The following ZCWPW2 variants were observed in gnomAD, a reference collection of about 807,000 sequenced individuals.
ZCWPW2 encodes the protein zinc finger CW-type PWWP domain protein 2.
ZCWPW2 carries 45 observed loss-of-function variants against 46.6 expected under a neutral mutation model. That is an observed-to-expected ratio of 0.96 (90% CI 0.76 to 1.24). The LOEUF (loss-of-function observed/expected upper bound fraction) is 1.24. Ranked by LOEUF, ZCWPW2 falls within the 50% of genes most tolerant of loss-of-function variation. The pLI is 0.00. For synonymous variants in ZCWPW2, 152 were observed against 137.1 expected (o/e 1.11, Z -0.76); for missense variants, 429 against 403.9 (o/e 1.06, Z -0.53).
At chr3:28,398,947 A>G (rs1480409938) in intron 2 of ZCWPW2, among the ~76,000 whole-genome samples, 2 of 152,212 alleles carry the variant, frequency 1.3e-5, no homozygotes, top group Non-Finnish European at 2.9e-5. Context: ...GCCAGAACTC[A>G]GAGGAGGGCA....
intron 1 of ZCWPW2, among the ~76,000 whole-genome samples, chr3:28,351,031 A>C (rs1302665987): frequency 6.6e-6 from 1 of 151,666 alleles, no homozygotes; most frequent in Non-Finnish European, 1.5e-5. Context: ...TACATCATCT[A>C]AAAAGCTGTG....
chr3:28,476,024 A>G (rs1309444673), intron 4 of ZCWPW2, among the ~76,000 whole-genome samples: 3 of 152,106 alleles, frequency 2.0e-5, no homozygotes, highest in Non-Finnish European at 4.4e-5. Flanking sequence ...TGTTGAATCA[A>G]TAAATTCAAT....
At chr3:28,471,158 C>T (rs888503786) in intron 4 of ZCWPW2, among the ~76,000 whole-genome samples, 3 of 152,138 alleles carry the variant, frequency 2.0e-5, no homozygotes, top group Admixed American at 6.6e-5. Context: ...GGGTTCACTG[C>T]TGAATTCTAT....
rs1209675840 is a variant in ZCWPW2, at chr3:28,501,681, G to C, written c.657+9508G>C. On this transcript the variant is annotated intron_variant, in intron 6 of 9. Transcript: ENST00000383768. ...ATAAAGAATTTTCCTTACCCAGAAA[G>C]TTTCCTCATGTAAATTGTTATCCAT... Among the ~76,000 whole-genome samples the C allele has an allele frequency of 2.0e-5, 3 of 152,082 alleles. No individual in the cohort carries two copies. In the South Asian group the frequency reaches 6.2e-4, roughly 32 times the overall value.
chr3:28,384,027 G>T (rs1421444778), intron 1 of ZCWPW2, among the ~76,000 whole-genome samples: 2 of 151,866 alleles, frequency 1.3e-5, no homozygotes, highest in Non-Finnish European at 2.9e-5. Context: ...AATTTCCTGG[G>T]CTCTCCCACA....
chr3:28,498,838 C>A (rs1003901329), intron 6 of ZCWPW2, among the ~76,000 whole-genome samples: 2 of 151,986 alleles, frequency 1.3e-5, no homozygotes, highest in Admixed American at 6.6e-5. Flanking sequence ...TGTGATGTTC[C>A]CCTCCCTGTG....
intron 6 of ZCWPW2, among the ~76,000 whole-genome samples, chr3:28,498,238 CGTGTGTGTGTGTGTGTGT>C (rs56760870): frequency 6.9e-6 from 1 of 145,488 alleles, no homozygotes; most frequent in African/African-American, 2.5e-5. Context: ...TACATATATA[CGTGTGTGTGTGTGTGTGT>C]GTGTGTGTGT....
intron 1 of ZCWPW2, among the ~76,000 whole-genome samples, chr3:28,353,505 C>T (rs1035087633): frequency 6.6e-6 from 1 of 152,140 alleles, no homozygotes; most frequent in African/African-American, 2.4e-5. Context: ...CAAAAAGATG[C>T]ATGATGGTAG....
chr3:28,435,419 T>A, intron 4 of ZCWPW2, 150 bp downstream of exon 4: 1 of 700,464 alleles, frequency 1.4e-6, no homozygotes, highest in East Asian at 3.3e-5. Context: ...ATTTTTAGTG[T>A]TTTTCTCAAA....
chr3:28,367,954 A>T (rs959355695), intron 1 of ZCWPW2, among the ~76,000 whole-genome samples: 1 of 152,114 alleles, frequency 6.6e-6, no homozygotes, highest in Non-Finnish European at 1.5e-5. Flanking sequence ...TTTATCAGAG[A>T]CTAGGCTTGC....
intron 4 of ZCWPW2, among the ~76,000 whole-genome samples, chr3:28,473,205 G>T (rs1335672461): frequency 6.6e-6 from 1 of 152,206 alleles, no homozygotes; most frequent in Non-Finnish European, 1.5e-5. Context: ...GCTGGGTGCA[G>T]TGGCTCATCC....
chr3:28,508,043 A>AC (rs1157462051), intron 6 of ZCWPW2, among the ~76,000 whole-genome samples: 1 of 152,160 alleles, frequency 6.6e-6, no homozygotes, highest in African/African-American at 2.4e-5. Flanking sequence ...GAAGAATGGT[A>AC]CTGGTATCTG....
intron 1 of ZCWPW2, among the ~76,000 whole-genome samples, chr3:28,370,474 A>G (rs34637008): frequency 0.21 from 31,674 of 152,178 alleles, 3,702 homozygotes; most frequent in Admixed American, 0.28. Flanking sequence ...TATGGGCACA[A>G]AAGAATACAT....
At chr3:28,446,889 T>C (rs147690224) in intron 4 of ZCWPW2, among the ~76,000 whole-genome samples, 293 of 152,262 alleles carry the variant, frequency 1.9e-3, no homozygotes, top group African/African-American at 6.6e-3. Flanking sequence ...TGTGGACAGT[T>C]ATACAGCAAT....
At chr3:28,355,164 G>A (rs1034227294) in intron 1 of ZCWPW2, among the ~76,000 whole-genome samples, 12 of 152,264 alleles carry the variant, frequency 7.9e-5, no homozygotes, top group South Asian at 2.1e-4. Context: ...GTCTCAGGAC[G>A]CAAAATCAAT....
chr3:28,448,590 G>T (rs1018553180), intron 4 of ZCWPW2, among the ~76,000 whole-genome samples: 1 of 151,348 alleles, frequency 6.6e-6, no homozygotes, highest in South Asian at 2.1e-4. Context: ...TTCGAGACCC[G>T]CCTGGCCACC....
intron 4 of ZCWPW2, among the ~76,000 whole-genome samples, chr3:28,438,024 A>C (rs1697569769): frequency 2.6e-5 from 4 of 152,190 alleles, no homozygotes; most frequent in Admixed American, 2.6e-4. Context: ...TTCAGCTCTT[A>C]ACACAGTAGC....
chr3:28,476,632 G>T (rs1417876359), intron 4 of ZCWPW2, among the ~76,000 whole-genome samples: 1 of 152,100 alleles, frequency 6.6e-6, no homozygotes, highest in East Asian at 1.9e-4. Flanking sequence ...GAAAGGGGAT[G>T]GTTTTGGGAT....
intron 1 of ZCWPW2, 109 bp from the exon 2 acceptor site, chr3:28,390,389 T>G (rs1695439103): frequency 2.2e-6 from 2 of 890,774 alleles, no homozygotes; most frequent in African/African-American, 3.6e-5. Context: ...TTTACCAAAT[T>G]TATGCTTTTG....
Sources: gnomAD v4.1 joint callset for allele counts (sites outside exome capture counted in the v4.1 genomes callset) on GRCh38, gnomAD v4.1.1 for gene constraint, MANE v1.5 for transcripts, NCBI Gene and HGNC (gene_info 2026-07-23, HGNC 2026-07-21) for gene names.